SV2A: variants seen among roughly 807,000 people sequenced by gnomAD.
SV2A encodes synaptic vesicle glycoprotein 2A.
A neutral mutation model predicts 78.0 loss-of-function variants in SV2A; 25 were observed. That is an observed-to-expected ratio of 0.32 (90% CI 0.23 to 0.45). The LOEUF (loss-of-function observed/expected upper bound fraction) is 0.45, where lower values mean the gene tolerates loss of function less well. Ranked by LOEUF, SV2A falls within the 20% of genes least tolerant of loss-of-function variation. SV2A has a pLI of 1.00. For synonymous variants in SV2A, 355 were observed against 384.7 expected (o/e 0.92, Z 0.90); for missense variants, 752 against 971.5 (o/e 0.77, Z 3.00).
intron 1 of SV2A, among the ~76,000 whole-genome samples, chr1:149,916,830 C>T (rs1553764606): frequency 2.0e-5 from 3 of 152,208 alleles, no homozygotes; most frequent in African/African-American, 7.2e-5. Flanking sequence ...AAGACTGCGC[C>T]TCCCCTCCCC....
At position 149,909,553 on chromosome 1, in the gene SV2A, T is replaced by C; in HGVS notation, c.1198A>G (p.Ile400Val). Residue 400 changes from isoleucine (I) to valine (V), a missense_variant, in exon 7 of 13, where the codon ATT (isoleucine) becomes GTT (valine). Coordinates refer to ENST00000369146, the MANE Select transcript of SV2A (RefSeq NM_014849.5). ...RVFSVTHIKTIHQEDELIEIQ... is the reference protein window; with the variant it reads ...RVFSVTHIKTVHQEDELIEIQ... ...TCAATCAATTCATCCTCCTGATGAA[T>C]CGTCTTAATGTGGGTTACCTGGGGT... is the stretch of plus-strand genomic sequence containing the variant. The C allele has an allele frequency of 1.9e-6, 3 of 1,614,004 alleles. No homozygotes were observed. The highest frequency in any genetic ancestry group is 2.5e-6 in the Non-Finnish European group (3 of 1,179,994).
chr1:149,909,075 G>T, intron 8 of SV2A, 117 bp downstream of exon 8: 3 of 942,354 alleles, frequency 3.2e-6, no homozygotes, highest in South Asian at 1.4e-5. Context: ...ATCAGAGGGG[G>T]TCTGCATGGC....
intron 8 of SV2A, among the ~76,000 whole-genome samples, chr1:149,908,512 T>TC (rs1488497977): frequency 6.6e-6 from 1 of 151,906 alleles, no homozygotes; most frequent in African/African-American, 2.4e-5. Flanking sequence ...CCACCCCCAC[T>TC]CCACCTGTCT....
chr1:149,913,543 C>G lies in SV2A; in HGVS notation c.298G>C (p.Gly100Arg), dbSNP rs1553764120. Residue 100 changes from glycine to arginine, a missense_variant, in exon 2 of 13, where the codon GGC becomes CGC. Physicochemically the swap from Gly to Arg is moderately radical, Grantham distance 125. Coordinates refer to ENST00000369146, the MANE Select transcript of SV2A (RefSeq NM_014849.5). ...CCCCCAGACTCTGCCCGGGGAATGC[C>G]CTGATATTCCCCTTCATAGATCTCA... ...DDEIYEGEYQ[G>R]IPRAESGGKG... The G allele has an allele frequency of 1.9e-6, 3 of 1,613,936 alleles. No homozygotes were observed. The highest frequency in any genetic ancestry group is 2.5e-6 in the Non-Finnish European group (3 of 1,179,980).
Position 149,904,317 on chromosome 1 carries a change from AT to A in SV2A, c.*696del, listed in dbSNP as rs2092418463. On this transcript the variant is annotated 3_prime_UTR_variant, in exon 13 of 13. Transcript: ENST00000369146. ...GCTTATATTTGAGGACAGTATAGTG[AT>A]ACCCCCCGCCCCATGGCACATGCAC... 1 of 152,796 alleles carries A rather than the reference AT, an allele frequency of 6.5e-6. No homozygotes were observed. The highest frequency in any genetic ancestry group is 1.5e-5 in the Non-Finnish European group (1 of 68,178). 9.5% of individuals were successfully genotyped at this position (152,796 alleles called of 1,614,324 possible). A position where few individuals can be genotyped will look rare whatever the true frequency, so the allele number is the denominator to read the frequency against.
chr1:149,910,743 A>G lies in SV2A; in HGVS notation c.956-40T>C. On this transcript the variant is annotated intron_variant, in intron 4 of 12. Coordinates refer to ENST00000369146, the MANE Select transcript of SV2A (RefSeq NM_014849.5). The surrounding 1 kb of genome is among the most constrained non-coding windows in gnomAD (Gnocchi z 4.2). The stretch of plus-strand genomic sequence containing the variant: ...GTGACAGCATCAGCAGAGAGGCCAG[A>G]GGCTGGGGGAACCCACCACAGGGAG... 1 of 1,612,818 alleles carries G rather than the reference A, an allele frequency of 6.2e-7. No homozygotes were observed. Among genetic ancestry groups the G allele is most frequent in the Non-Finnish European group, 8.5e-7 (1 of 1,179,260 alleles).
intron 6 of SV2A, 30 bp downstream of exon 6, chr1:149,909,771 G>C: frequency 6.2e-7 from 1 of 1,610,706 alleles, no homozygotes. Flanking sequence ...GCAGGGCGTG[G>C]AGGTCTGAGT....
rs1429293173 is a variant in SV2A at position 149,904,779 on chromosome 1, A to T, written c.*235T>A. ...CCTTCTCTTGTGCAAAGTCAAGGGC[A>T]GTGGGAAATGGGGAGTACAGCTTCA... On this transcript the variant is annotated 3_prime_UTR_variant, in exon 13 of 13. Coordinates refer to ENST00000369146, the MANE Select transcript of SV2A (RefSeq NM_014849.5). The T allele has an allele frequency of 4.2e-6, 2 of 478,708 alleles. No homozygotes were observed. The highest frequency in any genetic ancestry group is 3.9e-5 in the African/African-American group (2 of 51,250). 29.7% of individuals were successfully genotyped at this position (478,708 alleles called of 1,614,324 possible).
intron 12 of SV2A, chr1:149,905,496 C>G: frequency 3.2e-6 from 1 of 310,542 alleles, no homozygotes; most frequent in Non-Finnish European, 5.9e-6. Flanking sequence ...CTCTGTTGCC[C>G]AGGCTGGAGT....
At chr1:149,906,899 G>T (rs1553762865) in intron 10 of SV2A, 43 bp from the exon 11 acceptor site, 29 of 1,609,498 alleles carry the variant, frequency 1.8e-5, no homozygotes, top group Non-Finnish European at 2.5e-5. Flanking sequence ...ATAGCAGATG[G>T]GAGAGGGAGG....
Position 149,913,693 on chromosome 1 carries a change from C to T in SV2A, c.148G>A (p.Glu50Lys). 3 of 1,614,180 alleles carry T rather than the reference C, an allele frequency of 1.9e-6. No individual in the cohort carries two copies. The highest frequency in any genetic ancestry group is 2.5e-6 in the Non-Finnish European group (3 of 1,180,036). The part of the protein sequence containing the change: ...EYSRRSYSRF[E>K]EEDDDDDFPA... Reference sequence around the variant, plus strand: ...AAGTCATCATCATCATCCTCCTCCTCAAAGCGGGAGTACGATCTTCGGGAA... The same window carrying T: ...AAGTCATCATCATCATCCTCCTCCTTAAAGCGGGAGTACGATCTTCGGGAA... The change falls in exon 2 of 13, where the codon GAG (glutamate) becomes AAG (lysine). Residue 50 changes from glutamate (E) to lysine (K), a missense_variant. Physicochemically the swap from Glu to Lys is moderately conservative, Grantham distance 56. Transcript: ENST00000369146.
intron 8 of SV2A, among the ~76,000 whole-genome samples, chr1:149,908,690 T>A (rs1571500219): frequency 6.6e-6 from 1 of 152,124 alleles, no homozygotes; most frequent in African/African-American, 2.4e-5. Context: ...CAGGCTGGAG[T>A]GCAGTGGCGC....
At chr1:149,909,953 CCCCT>C in intron 5 of SV2A, 63 bp from the exon 6 acceptor site, 1 of 1,481,720 alleles carries the variant, frequency 6.7e-7, no homozygotes, top group Non-Finnish European at 9.4e-7. Context: ...AGTTATAGAC[CCCCT>C]CCCTCCCACC....
Position 149,905,942 on chromosome 1 carries a change from G to C in SV2A, c.1983C>G (p.Val661=). 1.2e-6 allele frequency: 2 copies of C among 1,614,144 alleles called. No homozygotes were observed. Among genetic ancestry groups the C allele is most frequent in the African/African-American group, 2.7e-5 (2 of 75,022 alleles). ...MIALLCLFGG[V]SIASWNALDV... is the part of the protein sequence containing the mutation. ...CCAGCGCATTCCAGGATGCAATGCT[G>C]ACCCCGCCAAAAAGGCAGAGCAGAG... The change falls in exon 12 of 13, where the codon GTC becomes GTG. Residue 661 remains valine, a synonymous_variant. Coordinates refer to ENST00000369146, the MANE Select transcript of SV2A (RefSeq NM_014849.5).
At position 149,909,280 on chromosome 1, in the gene SV2A, C is replaced by A; in HGVS notation, c.1291G>T (p.Val431Phe). Residue 431 changes from valine to phenylalanine, a missense_variant and splice_region_variant, in exon 8 of 13, where the codon GTT (valine) becomes TTT (phenylalanine). Coordinates refer to ENST00000369146, the MANE Select transcript of SV2A (RefSeq NM_014849.5). ...GVRALSLGGQ[V>F]WGNFLSCFGP... ...AAACAGGAGAGAAAATTCCCCCAAA[C>A]CTACAGGGGACCAGACAAAGTCAGA... 6.2e-7 allele frequency: 1 copy of A among 1,614,036 alleles called. No homozygotes were observed. Among genetic ancestry groups the A allele is most frequent in the Non-Finnish European group, 8.5e-7 (1 of 1,179,962 alleles).
chr1:149,916,659 A>T (rs1423897263), intron 1 of SV2A, among the ~76,000 whole-genome samples: 1 of 152,146 alleles, frequency 6.6e-6, no homozygotes, highest in Non-Finnish European at 1.5e-5. Context: ...TTTGGGGTCC[A>T]CCCAGATCCC....
Position 149,908,116 on chromosome 1 carries a change from C to G in SV2A, c.1470G>C (p.Glu490Asp). 6.2e-7 allele frequency: 1 copy of G among 1,614,206 alleles called. No homozygotes were observed. The highest frequency in any genetic ancestry group is 8.5e-7 in the Non-Finnish European group (1 of 1,180,032). Reference sequence around the variant, plus strand: ...AGTTAAAAGTTACATGCTCTACGCGCTCCCCGGGGAACACTTTGGTGCGGG... The same window carrying G: ...AGTTAAAAGTTACATGCTCTACGCGGTCCCCGGGGAACACTTTGGTGCGGG... ...YASRTKVFPG[E>D]RVEHVTFNFT... The change falls in exon 9 of 13, where the codon GAG becomes GAC. Residue 490 changes from glutamate to aspartate, a missense_variant. By Grantham distance (45) the Glu-to-Asp change is conservative. Transcript: ENST00000369146.
In SV2A at chr1:149,906,720, T is replaced by C. The variant is rs1553762814; in HGVS notation, c.1815A>G (p.Thr605=). 1 of 1,614,124 alleles carries C rather than the reference T, an allele frequency of 6.2e-7. No homozygotes were observed. The change falls in exon 11 of 13, where the codon ACA becomes ACG. Residue 605 remains threonine, a synonymous_variant. Transcript: ENST00000369146. The part of the protein sequence containing the change: ...YMVYFVSFLG[T]LAVLPGNIVS... ...CGATATTCCCAGGAAGCACTGCCAGTGTCCCCAGGAAGCTCACAAAGTATA... is the reference window on the plus strand; with the variant it reads ...CGATATTCCCAGGAAGCACTGCCAGCGTCCCCAGGAAGCTCACAAAGTATA...
In SV2A at chr1:149,909,445, C is replaced by A. The variant is rs781814288; in HGVS notation, c.1290+16G>T. ...TTCCCCCACTCCCTTCTATCTACCACCCCGTCCACCATTACCTGCCCCCCT... is the reference window on the plus strand; with the variant it reads ...TTCCCCCACTCCCTTCTATCTACCAACCCGTCCACCATTACCTGCCCCCCT... On this transcript the variant is annotated intron_variant, in intron 7 of 12. Transcript: ENST00000369146. 1.2e-6 allele frequency: 2 copies of A among 1,606,550 alleles called. No individual in the cohort carries two copies. Among genetic ancestry groups the A allele is most frequent in the South Asian group, 1.1e-5 (1 of 90,892 alleles).
Sources: gnomAD v4.1 joint callset for allele counts (sites outside exome capture counted in the v4.1 genomes callset) on GRCh38, gnomAD v4.1.1 for gene constraint, Gnocchi (gnomAD v3.1) non-coding constraint, MANE v1.5 for transcripts, NCBI Gene and HGNC (gene_info 2026-07-23, HGNC 2026-07-21) for gene names.